The following LRRC7 variants were observed in gnomAD, a reference collection of about 807,000 sequenced individuals.
LRRC7 encodes leucine-rich repeat-containing protein 7.
Under a neutral mutation model 175.7 loss-of-function variants are expected in LRRC7, and 23 were observed. That is an observed-to-expected ratio of 0.13 (90% confidence interval 0.09 to 0.19). LRRC7 has a LOEUF of 0.19. LRRC7 is among the 10% of genes least tolerant of loss of function. The probability of loss-of-function intolerance (pLI) is 1.00; values close to 1 mark genes in which losing one functional copy is unlikely to be tolerated. For missense variants in LRRC7, 1,354 were observed against 1,904.7 expected (o/e 0.71, Z 5.38); for synonymous variants, 685 against 680.9 (o/e 1.01, Z -0.09).
chr1:69,582,738 G>T (rs1295569969), intron 1 of LRRC7, among the ~76,000 whole-genome samples: 1 of 152,142 alleles, frequency 6.6e-6, no homozygotes. Context: ...CCTCTGAGTG[G>T]ACTGGCACCA....
At chr1:69,752,465 T>G (rs1009174553) in intron 2 of LRRC7, among the ~76,000 whole-genome samples, 11 of 152,184 alleles carry the variant, frequency 7.2e-5, no homozygotes, top group Non-Finnish European at 1.2e-4. Flanking sequence ...TTCTAGAGAA[T>G]GCATAAGTAT....
At chr1:69,918,273 C>A (rs776832478) in intron 7 of LRRC7, among the ~76,000 whole-genome samples, 6 of 152,142 alleles carry the variant, frequency 3.9e-5, no homozygotes, top group Non-Finnish European at 7.3e-5. Context: ...AGAAACCCTG[C>A]GTCTCTGGAA....
chr1:70,052,146 T>G (rs1207177247), intron 22 of LRRC7, among the ~76,000 whole-genome samples: 2 of 150,914 alleles, frequency 1.3e-5, no homozygotes, highest in Non-Finnish European at 2.9e-5. Flanking sequence ...TACTTGTGTA[T>G]CTTACACACT....
chr1:69,915,695 A>G (rs1450418183), intron 7 of LRRC7, among the ~76,000 whole-genome samples: 1 of 152,108 alleles, frequency 6.6e-6, no homozygotes, highest in African/African-American at 2.4e-5. Flanking sequence ...TGCAACACTT[A>G]TAAATCCTTG....
At chr1:70,048,174 C>A (rs1377535496) in intron 22 of LRRC7, among the ~76,000 whole-genome samples, 1 of 151,956 alleles carries the variant, frequency 6.6e-6, no homozygotes, top group Non-Finnish European at 1.5e-5. Context: ...TAGTTCAAAC[C>A]AGCATTTTTA....
At chr1:69,766,873 T>C (rs1225892640) in intron 3 of LRRC7, among the ~76,000 whole-genome samples, 2 of 152,182 alleles carry the variant, frequency 1.3e-5, no homozygotes, top group Non-Finnish European at 2.9e-5. Flanking sequence ...TTACACTGTC[T>C]TTTTTTCTTA....
intron 1 of LRRC7, among the ~76,000 whole-genome samples, chr1:69,572,410 T>A (rs1428203613): frequency 6.6e-6 from 1 of 152,118 alleles, no homozygotes; most frequent in African/African-American, 2.4e-5. Flanking sequence ...AGAAGGAGAT[T>A]CATAGACAGG....
intron 8 of LRRC7, among the ~76,000 whole-genome samples, chr1:69,957,089 A>ACATTTAACATATATTTATTAAACATT (rs1553180819): frequency 1.2e-4 from 18 of 151,826 alleles, no homozygotes; most frequent in African/African-American, 4.3e-4. Context: ...TATTTATTAA[A>ACATTTAACATATATTTATTAAACATT]CATTTAACAT....
rs1666466742 is a variant in LRRC7 at position 70,126,635 on chromosome 1, TAGCAAGAAA to T, written c.*4750_*4758del. On this transcript the variant is annotated 3_prime_UTR_variant, in exon 27 of 27. Coordinates refer to ENST00000651989, the MANE Select transcript of LRRC7 (RefSeq NM_001370785.2). ...AACACCATACCCAAAGAATACATTA[TAGCAAGAAA>T]ACAGAATGTGGGCTGTGGACAAATA... 6.6e-6 allele frequency among the ~76,000 whole-genome samples: 1 copy of T among 152,140 alleles called. No homozygotes were observed. The highest frequency in any genetic ancestry group is 2.4e-5 in the African/African-American group (1 of 41,440).
chr1:69,740,293 G>C (rs1668568177), intron 2 of LRRC7, among the ~76,000 whole-genome samples: 1 of 151,994 alleles, frequency 6.6e-6, no homozygotes, highest in Non-Finnish European at 1.5e-5. Context: ...TTTGCAGATG[G>C]CTCCTTTCTT....
intron 23 of LRRC7, among the ~76,000 whole-genome samples, chr1:70,064,099 T>C (rs1293447487): frequency 6.6e-6 from 1 of 151,970 alleles, no homozygotes; most frequent in East Asian, 1.9e-4. Context: ...ATTACTGCAG[T>C]GTGCCACCAG....
intron 21 of LRRC7, among the ~76,000 whole-genome samples, chr1:70,041,794 G>T (rs1659921396): frequency 6.6e-6 from 1 of 152,198 alleles, no homozygotes; most frequent in African/African-American, 2.4e-5. Flanking sequence ...CAGATCAATG[G>T]TTCCTCTCCT....
intron 17 of LRRC7, among the ~76,000 whole-genome samples, chr1:70,024,145 A>T (rs1456213514): frequency 2.6e-5 from 4 of 152,108 alleles, no homozygotes; most frequent in Non-Finnish European, 5.9e-5. Flanking sequence ...AATTGCTATA[A>T]GTTTCTTTTC....
intron 7 of LRRC7, among the ~76,000 whole-genome samples, chr1:69,912,751 T>A (rs182643908): frequency 2.0e-5 from 3 of 152,356 alleles, no homozygotes; most frequent in Admixed American, 2.0e-4. Flanking sequence ...GAAGACTATA[T>A]AGAAAGTAAT....
chr1:69,635,702 T>A (rs1187538333), intron 1 of LRRC7, among the ~76,000 whole-genome samples: 1 of 152,042 alleles, frequency 6.6e-6, no homozygotes. Context: ...CAAAGGATAA[T>A]GTTTGCTCAC....
Position 70,134,478 on chromosome 1 carries a change from C to G in LRRC7, c.*12591C>G, listed in dbSNP as rs1201871008. ...TGAGCTTCTTCTTTGCTAATTCCAT[C>G]AAAGCCCTACTTATATGGGTTTCAG... On this transcript the variant is annotated 3_prime_UTR_variant, in exon 27 of 27. Transcript: ENST00000651989. 6.6e-6 allele frequency among the ~76,000 whole-genome samples: 1 copy of G among 152,194 alleles called. No individual in the cohort carries two copies. The highest frequency in any genetic ancestry group is 1.5e-5 in the Non-Finnish European group (1 of 68,038).
intron 7 of LRRC7, among the ~76,000 whole-genome samples, chr1:69,857,277 G>A (rs962857489): frequency 2.6e-5 from 4 of 152,132 alleles, no homozygotes; most frequent in African/African-American, 7.2e-5. Flanking sequence ...AATCAGGCAG[G>A]AGAAAGAAAT....
intron 1 of LRRC7, among the ~76,000 whole-genome samples, chr1:69,652,739 G>T (rs986120145): frequency 1.3e-5 from 2 of 151,808 alleles, no homozygotes; most frequent in African/African-American, 4.8e-5. Flanking sequence ...GCTTCACATC[G>T]CTTGATTTCA....
chr1:69,796,795 A>C (rs1039490673), intron 4 of LRRC7, among the ~76,000 whole-genome samples: 1 of 147,928 alleles, frequency 6.8e-6, no homozygotes, highest in African/African-American at 2.5e-5. Flanking sequence ...ACTCCATCTC[A>C]AAAAAAAAAC....
Sources: allele counts gnomAD v4.1 joint callset (sites outside exome capture counted in the v4.1 genomes callset), GRCh38; gene constraint gnomAD v4.1.1; transcripts MANE v1.5; gene names NCBI Gene and HGNC (gene_info 2026-07-23, HGNC 2026-07-21).